Variants in HIVEP3 observed in about 807,000 individuals in gnomAD.
The protein encoded by HIVEP3 is transcription factor HIVEP3.
In HIVEP3, 49 loss-of-function variants were observed where a neutral mutation model predicts 152.8. That is an observed-to-expected ratio of 0.32 (90% CI 0.26 to 0.41). HIVEP3 has a LOEUF of 0.41. Among genes scored for constraint, HIVEP3 ranks in the 10% least tolerant of loss-of-function variants. The probability of loss-of-function intolerance (pLI) is 1.00; values close to 1 mark genes in which losing one functional copy is unlikely to be tolerated. For missense variants in HIVEP3, 2,790 were observed against 3,103.3 expected (o/e 0.90, Z 2.40); for synonymous variants, 1,269 against 1,289.0 (o/e 0.98, Z 0.33).
chr1:41,831,013 G>T (rs1444941148), intron 1 of HIVEP3, among the ~76,000 whole-genome samples: 4 of 152,070 alleles, frequency 2.6e-5, no homozygotes, highest in Non-Finnish European at 4.4e-5. Flanking sequence ...TCCCCATTTT[G>T]TCTCCTCCTA....
At chr1:41,733,434 T>C (rs192773050) in intron 1 of HIVEP3, among the ~76,000 whole-genome samples, 6 of 152,218 alleles carry the variant, frequency 3.9e-5, no homozygotes, top group Non-Finnish European at 8.8e-5. Context: ...TCACAGGCCA[T>C]AGGGCTTGTG....
intron 1 of HIVEP3, among the ~76,000 whole-genome samples, chr1:41,936,973 T>C (rs1416764560): frequency 6.6e-6 from 1 of 152,214 alleles, no homozygotes; most frequent in Non-Finnish European, 1.5e-5. Context: ...AAGAAAGCTA[T>C]GTTTATATTC....
chr1:41,915,917 C>G (rs1037450683), intron 1 of HIVEP3, among the ~76,000 whole-genome samples: 4 of 152,108 alleles, frequency 2.6e-5, no homozygotes, highest in African/African-American at 9.7e-5. Context: ...TACACTTTGA[C>G]TCCACAGGAA....
At chr1:41,793,108 C>T (rs549941776) in intron 1 of HIVEP3, among the ~76,000 whole-genome samples, 2 of 152,320 alleles carry the variant, frequency 1.3e-5, no homozygotes, top group Non-Finnish European at 2.9e-5. Flanking sequence ...ACACTGTGTG[C>T]CATGAAGCAG....
chr1:41,881,802 C>G (rs1026965449), intron 1 of HIVEP3, among the ~76,000 whole-genome samples: 2 of 152,266 alleles, frequency 1.3e-5, no homozygotes, highest in African/African-American at 4.8e-5. Flanking sequence ...TTATTATTTG[C>G]CTTTTTCTTA....
rs1188058980 is a variant in HIVEP3, at chr1:41,582,164, A to G, written c.2634T>C (p.Pro878=). 1 of 1,613,946 alleles carries G rather than the reference A, an allele frequency of 6.2e-7. No homozygotes were observed. The highest frequency in any genetic ancestry group is 8.5e-7 in the Non-Finnish European group (1 of 1,179,942). Residue 878 remains proline, a synonymous_variant, in exon 4 of 9, where the codon CCT becomes CCC. Transcript: ENST00000372583. The surrounding 1 kb of genome is among the most constrained non-coding windows in gnomAD (Gnocchi z 4.7). The part of the protein sequence containing the change: ...DTEPEPPPKE[P]EKTEEFQWPQ... ...GCCATTGGAACTCCTCAGTCTTCTC[A>G]GGTTCCTTAGGGGGCGGCTCTGGCT...
At chr1:41,512,046 T>G (rs562945308) in intron 8 of HIVEP3, among the ~76,000 whole-genome samples, 3 of 152,184 alleles carry the variant, frequency 2.0e-5, no homozygotes, top group Admixed American at 6.5e-5. Flanking sequence ...GGTTAAGTTG[T>G]GCCATCTGCT....
At chr1:41,842,347 A>G (rs1011729668) in intron 1 of HIVEP3, among the ~76,000 whole-genome samples, 1 of 152,108 alleles carries the variant, frequency 6.6e-6, no homozygotes, top group African/African-American at 2.4e-5. Flanking sequence ...GGCACTAAAA[A>G]CAGGACCCAC....
chr1:42,033,758 A>G (rs1243305326), intron 1 of HIVEP3, among the ~76,000 whole-genome samples: 2 of 152,228 alleles, frequency 1.3e-5, no homozygotes, highest in African/African-American at 2.4e-5. Context: ...CCCACCGTGC[A>G]GAATATCATA....
chr1:41,644,045 C>T (rs1364109930), intron 2 of HIVEP3, among the ~76,000 whole-genome samples: 1 of 152,020 alleles, frequency 6.6e-6, no homozygotes, highest in Non-Finnish European at 1.5e-5. Context: ...TGCCACCACA[C>T]CCAGCTAATT....
intron 8 of HIVEP3, 66 bp downstream of exon 8, chr1:41,512,750 G>A: frequency 1.5e-6 from 2 of 1,291,004 alleles, no homozygotes; most frequent in South Asian, 1.6e-5. Flanking sequence ...ACCCAGGAGG[G>A]TGTGAACTTG....
chr1:41,677,307 C>A (rs1006342790), intron 2 of HIVEP3, among the ~76,000 whole-genome samples: 2 of 152,184 alleles, frequency 1.3e-5, no homozygotes, highest in African/African-American at 4.8e-5. Flanking sequence ...CGGTCTAATC[C>A]TCATGACAAG....
intron 1 of HIVEP3, among the ~76,000 whole-genome samples, chr1:41,900,802 G>A (rs1644608298): frequency 1.3e-5 from 2 of 152,222 alleles, no homozygotes; most frequent in South Asian, 2.1e-4. Context: ...TGTTAGGAAG[G>A]CTGAAGGAGA....
chr1:42,001,868 C>T (rs958949232), intron 1 of HIVEP3, among the ~76,000 whole-genome samples: 3 of 150,824 alleles, frequency 2.0e-5, no homozygotes, highest in African/African-American at 7.5e-5. Flanking sequence ...CTCTCAGGAA[C>T]CCCAAACATT....
chr1:41,731,020 G>A (rs779748134), intron 1 of HIVEP3, among the ~76,000 whole-genome samples: 7 of 152,152 alleles, frequency 4.6e-5, no homozygotes, highest in Admixed American at 1.3e-4. Flanking sequence ...CCTCTGTGGC[G>A]TCTCTGACCA....
At chr1:41,956,928 G>C (rs979846042) in intron 1 of HIVEP3, among the ~76,000 whole-genome samples, 1 of 152,192 alleles carries the variant, frequency 6.6e-6, no homozygotes, top group East Asian at 1.9e-4. Context: ...TGAATTGCTT[G>C]GGTGGTCTAA....
chr1:41,771,470 T>C (rs1298829239), intron 1 of HIVEP3, among the ~76,000 whole-genome samples: 2 of 152,192 alleles, frequency 1.3e-5, no homozygotes, highest in Non-Finnish European at 2.9e-5. Flanking sequence ...AGCTGGCCCC[T>C]GCAATGGGAA....
At chr1:41,963,829 T>A (rs929650640) in intron 1 of HIVEP3, among the ~76,000 whole-genome samples, 1 of 152,196 alleles carries the variant, frequency 6.6e-6, no homozygotes, top group Non-Finnish European at 1.5e-5. Flanking sequence ...CAAACTTTTT[T>A]TCTGCCGAAC....
chr1:41,734,133 C>A (rs1175888995), intron 1 of HIVEP3, among the ~76,000 whole-genome samples: 3 of 152,182 alleles, frequency 2.0e-5, no homozygotes, highest in Non-Finnish European at 1.5e-5. Context: ...AGAGGCTGCA[C>A]CCACCAGGCC....
Sources: gnomAD v4.1 joint callset for allele counts (sites outside exome capture counted in the v4.1 genomes callset) on GRCh38, gnomAD v4.1.1 for gene constraint, Gnocchi (gnomAD v3.1) non-coding constraint, MANE v1.5 for transcripts, NCBI Gene and HGNC (gene_info 2026-07-23, HGNC 2026-07-21) for gene names.